Variants in BCKDHB observed in about 807,000 individuals in gnomAD.
The protein encoded by BCKDHB is branched chain keto acid dehydrogenase E1 subunit beta, also known as 2-oxoisovalerate dehydrogenase subunit beta, mitochondrial.
A neutral mutation model predicts 48.5 loss-of-function variants in BCKDHB; 41 were observed. That is an observed-to-expected ratio of 0.85 (90% CI 0.66 to 1.10). The LOEUF (loss-of-function observed/expected upper bound fraction) is 1.10, where lower values mean the gene tolerates loss of function less well. Among genes scored for constraint, BCKDHB ranks in the 50% least tolerant of loss-of-function variants. The probability of loss-of-function intolerance (pLI) is 0.00; values close to 1 mark genes in which losing one functional copy is unlikely to be tolerated. For synonymous variants in BCKDHB, 201 were observed against 174.8 expected, an observed-to-expected ratio of 1.15 and a Z score of -1.18; for missense variants, 496 against 494.2, an observed-to-expected ratio of 1.00 and a Z score of -0.03.
chr6:80,188,936 G>T (rs945152841), intron 6 of BCKDHB, among the ~76,000 whole-genome samples: 1 of 152,130 alleles, frequency 6.6e-6, no homozygotes, highest in Non-Finnish European at 1.5e-5. Flanking sequence ...GGCCACTGTG[G>T]TACATTTTTA....
chr6:80,168,802 G>GGAGGGAGGGAGGGAGA, intron 4 of BCKDHB, 73 bp from the exon 5 acceptor site: 1 of 1,562,312 alleles, frequency 6.4e-7, no homozygotes, highest in Non-Finnish European at 8.8e-7. Context: ...AGGGAGGGAG[G>GGAGGGAGGGAGGGAGA]GAGGAAGAAC....
intron 9 of BCKDHB, among the ~76,000 whole-genome samples, chr6:80,288,344 A>G (rs1766730502): frequency 7.4e-6 from 1 of 135,648 alleles, no homozygotes; most frequent in African/African-American, 2.7e-5. Flanking sequence ...TTATTATTTC[A>G]GTAAACTTCA....
intron 8 of BCKDHB, among the ~76,000 whole-genome samples, chr6:80,227,358 T>C (rs1775722713): frequency 2.0e-5 from 3 of 152,204 alleles, no homozygotes; most frequent in Admixed American, 2.0e-4. Flanking sequence ...GGGAGTCCAG[T>C]TGATTCATGT....
chr6:80,386,964 A>AGT, the BCKDHB span, among the ~76,000 whole-genome samples: 1 of 152,150 alleles, frequency 6.6e-6, no homozygotes, highest in Non-Finnish European at 1.5e-5. Flanking sequence ...CAATTTATGC[A>AGT]GTGAATCTTT....
rs1364170450 is a variant in BCKDHB at position 80,106,692 on chromosome 6, G to C, written c.-2G>C. ...GCCTGAGAATCCCGGTGGTGAGCGG[G>C]GATGGCGGTTGTAGCGGCGGCTGCC... On this transcript the variant is annotated 5_prime_UTR_variant, in exon 1 of 10. Transcript: ENST00000320393. The C allele has an allele frequency of 6.4e-7, 1 of 1,554,638 alleles. No individual in the cohort carries two copies. The highest frequency in any genetic ancestry group is 8.7e-7 in the Non-Finnish European group (1 of 1,149,966).
intron 8 of BCKDHB, among the ~76,000 whole-genome samples, chr6:80,216,367 T>C (rs181788284): frequency 2.0e-5 from 3 of 152,348 alleles, no homozygotes; most frequent in Admixed American, 6.5e-5. Flanking sequence ...ACCTTTATAA[T>C]ATAAAGATAT....
chr6:80,342,899 C>G (rs766182285), intron 9 of BCKDHB, among the ~76,000 whole-genome samples: 1 of 152,204 alleles, frequency 6.6e-6, no homozygotes, highest in Non-Finnish European at 1.5e-5. Context: ...AATCAGATCT[C>G]TAGCCTCATG....
chr6:80,410,770 C>G, the BCKDHB span, among the ~76,000 whole-genome samples: 1 of 152,200 alleles, frequency 6.6e-6, no homozygotes, highest in Admixed American at 6.5e-5. Context: ...ATGAAGTTCT[C>G]TTGCTGTGAT....
intron 9 of BCKDHB, among the ~76,000 whole-genome samples, chr6:80,330,513 GTA>G (rs1438515116): frequency 2.0e-5 from 3 of 152,134 alleles, no homozygotes; most frequent in African/African-American, 7.2e-5. Flanking sequence ...GTAAATCTGT[GTA>G]TGTGATACTT....
chr6:80,171,654 T>C (rs560795265), intron 6 of BCKDHB, among the ~76,000 whole-genome samples: 8 of 152,238 alleles, frequency 5.3e-5, no homozygotes, highest in African/African-American at 1.9e-4. Context: ...TTTAACCACA[T>C]AGTAGGTGCT....
At chr6:80,168,734 G>A (rs1772717519) in intron 4 of BCKDHB, 141 bp from the exon 5 acceptor site, 3 of 916,166 alleles carry the variant, frequency 3.3e-6, no homozygotes, top group Non-Finnish European at 3.4e-6. Context: ...AAGGAAGAGG[G>A]GGAGGGAGGC....
chr6:80,464,263 A>AC, the BCKDHB span, among the ~76,000 whole-genome samples: 7 of 151,936 alleles, frequency 4.6e-5, no homozygotes, highest in African/African-American at 1.5e-4. Context: ...GAGTACTGGG[A>AC]CCACAGGCAT....
chr6:80,232,527 T>C (rs537640647), intron 8 of BCKDHB, among the ~76,000 whole-genome samples: 2 of 151,610 alleles, frequency 1.3e-5, no homozygotes, highest in Non-Finnish European at 2.9e-5. Flanking sequence ...TTTTCAGTTA[T>C]ATACATACAT....
chr6:80,400,996 T>G, the BCKDHB span, among the ~76,000 whole-genome samples: 1 of 147,010 alleles, frequency 6.8e-6, no homozygotes, highest in African/African-American at 2.7e-5. Context: ...TTCTCATTTA[T>G]AAGTGGAGTT....
At chr6:80,126,495 A>T (rs977335155) in intron 1 of BCKDHB, among the ~76,000 whole-genome samples, 1 of 152,142 alleles carries the variant, frequency 6.6e-6, no homozygotes, top group Non-Finnish European at 1.5e-5. Flanking sequence ...ACACTAGGCT[A>T]ATGAATAGCA....
the BCKDHB span, among the ~76,000 whole-genome samples, chr6:80,370,778 TGTGTGTGTATATATAGCG>T: frequency 1.9e-5 from 1 of 53,104 alleles, no homozygotes; most frequent in African/African-American, 5.3e-5. Context: ...ATATATAGCG[TGTGTGTGTATATATAGCG>T]TGTGTGTGTG....
the BCKDHB span, among the ~76,000 whole-genome samples, chr6:80,409,106 A>G: frequency 6.6e-6 from 1 of 152,066 alleles, no homozygotes; most frequent in Non-Finnish European, 1.5e-5. Flanking sequence ...GAACATCTTT[A>G]TTTCTGCTTT....
intron 9 of BCKDHB, among the ~76,000 whole-genome samples, chr6:80,305,686 C>G (rs556530681): frequency 6.6e-6 from 1 of 152,220 alleles, no homozygotes; most frequent in East Asian, 1.9e-4. Context: ...AGGAGCCCCC[C>G]ACATGTAGAT....
intron 3 of BCKDHB, among the ~76,000 whole-genome samples, chr6:80,140,550 T>C (rs1298381785): frequency 1.3e-5 from 2 of 152,174 alleles, no homozygotes; most frequent in Non-Finnish European, 2.9e-5. Context: ...TTTCTGCATC[T>C]ATTGAGATAA....
Sources: allele counts gnomAD v4.1 joint callset (sites outside exome capture counted in the v4.1 genomes callset), GRCh38; gene constraint gnomAD v4.1.1; transcripts MANE v1.5; gene names NCBI Gene and HGNC (gene_info 2026-07-23, HGNC 2026-07-21).